The following UBE2Q1 variants were observed in gnomAD, a reference collection of about 807,000 sequenced individuals.
UBE2Q1 encodes the protein ubiquitin conjugating enzyme E2 Q1.
In UBE2Q1, 6 loss-of-function variants were observed where a neutral mutation model predicts 60.1. The observed-to-expected ratio is 0.10, with a 90% confidence interval of 0.05 to 0.20. The LOEUF is 0.20. Ranked by LOEUF, UBE2Q1 falls within the 10% of genes least tolerant of loss-of-function variation. The probability of loss-of-function intolerance (pLI) is 1.00; values close to 1 mark genes in which losing one functional copy is unlikely to be tolerated. For synonymous variants in UBE2Q1, 226 were observed against 208.3 expected, an observed-to-expected ratio of 1.09 and a Z score of -0.73; for missense variants, 262 against 525.8, an observed-to-expected ratio of 0.50 and a Z score of 4.91.
chr1:154,554,265 G>T (rs370486139), intron 4 of UBE2Q1, among the ~76,000 whole-genome samples: 6 of 152,124 alleles, frequency 3.9e-5, no homozygotes, highest in African/African-American at 1.4e-4. Context: ...TCCTAACCAT[G>T]ATTTTATATT....
intron 1 of UBE2Q1, 78 bp from the exon 2 acceptor site, chr1:154,556,042 C>T: frequency 5.4e-6 from 7 of 1,295,720 alleles, no homozygotes; most frequent in East Asian, 2.4e-5. Context: ...CCTCTTCCCC[C>T]CAAGACTTCT....
intron 12 of UBE2Q1, 124 bp downstream of exon 12, chr1:154,550,814 G>A: frequency 6.4e-7 from 1 of 1,570,394 alleles, no homozygotes; most frequent in Non-Finnish European, 8.6e-7. Flanking sequence ...AACTGGGGCA[G>A]GTGCTGTGTT....
In UBE2Q1 at chr1:154,558,590, G is replaced by A; in HGVS notation, c.-37C>T. 9.9e-7 allele frequency: 1 copy of A among 1,012,348 alleles called. No individual in the cohort carries two copies. The highest frequency in any genetic ancestry group is 1.2e-6 in the Non-Finnish European group (1 of 852,594). 62.7% of individuals were successfully genotyped at this position (1,012,348 alleles called of 1,614,324 possible). ...CTCCGCTCCGGGGCCGGCGGGCCGGGAGCCTCCGGCCTGCGCTCCGGGCTC... is the reference window on the plus strand; with the variant it reads ...CTCCGCTCCGGGGCCGGCGGGCCGGAAGCCTCCGGCCTGCGCTCCGGGCTC... On this transcript the variant is annotated 5_prime_UTR_variant, in exon 1 of 13. Transcript: ENST00000292211.
At chr1:154,556,000 G>A in intron 1 of UBE2Q1, 36 bp from the exon 2 acceptor site, 1 of 1,593,940 alleles carries the variant, frequency 6.3e-7, no homozygotes, top group Non-Finnish European at 8.6e-7. Flanking sequence ...AATCAAAATG[G>A]GTGACTCTGG....
chr1:154,550,275 C>A lies in UBE2Q1; in HGVS notation c.*163G>T. ...AACAGTTCTGTGTTTGTTTTTTTTC[C>A]TTAGCGTTTAGAATAGCCATCATTG... On this transcript the variant is annotated 3_prime_UTR_variant, in exon 13 of 13. Transcript: ENST00000292211. 1.0e-6 allele frequency: 1 copy of A among 959,156 alleles called. No individual in the cohort carries two copies. Among genetic ancestry groups the A allele is most frequent in the Non-Finnish European group, 1.6e-6 (1 of 634,380 alleles). 59.4% of individuals were successfully genotyped at this position (959,156 alleles called of 1,614,324 possible). A position where few individuals can be genotyped will look rare whatever the true frequency, so the allele number is the denominator to read the frequency against.
In UBE2Q1 at chr1:154,552,076, GA is replaced by G; in HGVS notation, c.966+16del. ...CAGCCTAGGCCAGAGGGAGAGACTG[GA>G]AAAGAAAAGTCTTACTTTAAAGGAA... is the stretch of plus-strand genomic sequence containing the variant. On this transcript the variant is annotated intron_variant, in intron 8 of 12. Transcript: ENST00000292211. The G allele has an allele frequency of 6.2e-7, 1 of 1,614,138 alleles. No individual in the cohort carries two copies. The highest frequency in any genetic ancestry group is 1.1e-5 in the South Asian group (1 of 91,074).
intron 1 of UBE2Q1, among the ~76,000 whole-genome samples, chr1:154,556,173 C>A (rs1000334487): frequency 6.6e-6 from 1 of 150,508 alleles, no homozygotes; most frequent in Non-Finnish European, 1.5e-5. Flanking sequence ...CCTGGGAAGA[C>A]CCTTTCCGAG....
chr1:154,553,117 T>C lies in UBE2Q1; in HGVS notation c.644A>G (p.Lys215Arg). 2.5e-6 allele frequency: 4 copies of C among 1,614,116 alleles called. No homozygotes were observed. Among genetic ancestry groups the C allele is most frequent in the Non-Finnish European group, 3.4e-6 (4 of 1,180,036 alleles). The change falls in exon 5 of 13, where the codon AAG becomes AGG. Residue 215 changes from lysine to arginine, a missense_variant. Around this residue, in one of 5 missense-constraint regions of UBE2Q1, gnomAD observed 111 missense variants for 266.8 expected, o/e 0.42. Transcript: ENST00000292211. ...EMKEEEPAEG[K>R]KSEDDGIGKE... ...TCCAATGCCATCATCTTCAGATTTC[T>C]TGCCCTCAGCTGGCTCTTCCTCTTT... is the stretch of plus-strand genomic sequence containing the variant.
At chr1:154,554,449 T>C (rs1266337682) in intron 4 of UBE2Q1, among the ~76,000 whole-genome samples, 1 of 152,182 alleles carries the variant, frequency 6.6e-6, no homozygotes, top group African/African-American at 2.4e-5. Flanking sequence ...ATAAAATTCC[T>C]CAATTAGGAT....
chr1:154,552,855 C>T (rs1225362603), intron 5 of UBE2Q1, 35 bp from the exon 6 acceptor site: 32 of 1,611,668 alleles, frequency 2.0e-5, no homozygotes, highest in Middle Eastern at 1.6e-4. Flanking sequence ...ATTCCTTGGT[C>T]GTGTGGTTTA....
In UBE2Q1 at chr1:154,554,766, G is replaced by A; in HGVS notation, c.557C>T (p.Ser186Phe). Reference protein sequence around the residue: ...PAEQCTQEDVSSEDEDEEMPE... With the variant: ...PAEQCTQEDVFSEDEDEEMPE... The stretch of plus-strand genomic sequence containing the variant: ...CATCTCCTCATCTTCATCTTCTGAA[G>A]ACACGTCTTCCTGTGTGCACTGCAG... The change falls in exon 4 of 13, where the codon TCT becomes TTT. Residue 186 changes from serine to phenylalanine, a missense_variant. Ser to Phe is a radical substitution (Grantham distance 155). This residue lies in a region of UBE2Q1 where 111 missense variants were observed against 266.8 expected (regional missense o/e 0.42). Coordinates refer to ENST00000292211, the MANE Select transcript of UBE2Q1 (RefSeq NM_017582.7). 6.2e-7 allele frequency: 1 copy of A among 1,613,622 alleles called. No individual in the cohort carries two copies. Among genetic ancestry groups the A allele is most frequent in the Non-Finnish European group, 8.5e-7 (1 of 1,179,642 alleles).
chr1:154,556,856 G>A (rs930213355), intron 1 of UBE2Q1, among the ~76,000 whole-genome samples: 2 of 152,188 alleles, frequency 1.3e-5, no homozygotes, highest in African/African-American at 2.4e-5. Context: ...GGAATTAGAA[G>A]CTTAATTCAG....
At chr1:154,553,413 G>A (rs1317036753) in intron 4 of UBE2Q1, among the ~76,000 whole-genome samples, 1 of 152,226 alleles carries the variant, frequency 6.6e-6, no homozygotes, top group Non-Finnish European at 1.5e-5. Flanking sequence ...AACGAGCAGA[G>A]CTGCAGCTGA....
rs1695759826 is a variant in UBE2Q1, at chr1:154,549,689, AAAG to A, written c.*746_*748del. On this transcript the variant is annotated 3_prime_UTR_variant, in exon 13 of 13. Coordinates refer to ENST00000292211, the MANE Select transcript of UBE2Q1 (RefSeq NM_017582.7). Reference sequence around the variant, plus strand: ...AAATTTGAAAACATCTGTGACTAGAAAAGTAGTCCTAAGAATTAACACCATCGT... The same window carrying A: ...AAATTTGAAAACATCTGTGACTAGAATAGTCCTAAGAATTAACACCATCGT... The A allele has an allele frequency of 6.6e-6, 1 of 152,656 alleles. No individual in the cohort carries two copies. The highest frequency in any genetic ancestry group is 1.5e-5 in the Non-Finnish European group (1 of 68,044). The allele number at this position is 152,656 out of a possible 1,614,324, so 9.5% of individuals were successfully genotyped here.
chr1:154,555,587 A>G, intron 2 of UBE2Q1, 55 bp from the exon 3 acceptor site: 2 of 1,525,922 alleles, frequency 1.3e-6, no homozygotes, highest in Admixed American at 1.7e-5. Context: ...GATCTGGATA[A>G]GTGCATGGAT....
Position 154,558,511 on chromosome 1 carries a change from C to T in UBE2Q1, c.43G>A (p.Gly15Arg). Residue 15 changes from glycine to arginine, a missense_variant, in exon 1 of 13, where the codon GGG becomes AGG. Around this residue, in one of 5 missense-constraint regions of UBE2Q1, gnomAD observed 70 missense variants for 56.7 expected, o/e 1.24. Coordinates refer to ENST00000292211, the MANE Select transcript of UBE2Q1 (RefSeq NM_017582.7). ...GCCCCCTGGCCCCCCAGCTGCTGCC[C>T]CGGCCCCGGCTGCTGCTGCCCCTGC... ...QPQGQQQPGP[G>R]QQLGGQGAAP... 8.6e-7 allele frequency: 1 copy of T among 1,158,986 alleles called. No homozygotes were observed. Among genetic ancestry groups the T allele is most frequent in the Non-Finnish European group, 1.1e-6 (1 of 948,234 alleles). 71.8% of individuals were successfully genotyped at this position (1,158,986 alleles called of 1,614,324 possible).
Position 154,551,832 on chromosome 1 carries a change from GGTTA to G in UBE2Q1, c.1026-17_1026-14del. 6.2e-7 allele frequency: 1 copy of G among 1,614,216 alleles called. No homozygotes were observed. The highest frequency in any genetic ancestry group is 8.5e-7 in the Non-Finnish European group (1 of 1,180,032). ...GCCCAGAACATACCTGCATGAGAAA[GGTTA>G]GTCAGCTGTGCCTGACAAAATCTCC... On this transcript the variant is annotated splice_polypyrimidine_tract_variant and intron_variant, in intron 9 of 12. Transcript: ENST00000292211.
intron 4 of UBE2Q1, among the ~76,000 whole-genome samples, chr1:154,553,414 C>G (rs1317537355): frequency 6.6e-6 from 1 of 152,218 alleles, no homozygotes; most frequent in Non-Finnish European, 1.5e-5. Context: ...ACGAGCAGAG[C>G]TGCAGCTGAG....
At chr1:154,555,196 C>T (rs7543174) in intron 3 of UBE2Q1, among the ~76,000 whole-genome samples, 115,349 of 152,152 alleles carry the variant, frequency 0.76, 44,599 homozygotes, top group East Asian at 0.88. Context: ...CTTTCAACAT[C>T]TGGGATGCTG....
Sources: gnomAD v4.1 joint callset for allele counts (sites outside exome capture counted in the v4.1 genomes callset) on GRCh38, gnomAD v4.1.1 for gene constraint, gnomAD v4.1.1 regional missense constraint, MANE v1.5 for transcripts, NCBI Gene and HGNC (gene_info 2026-07-23, HGNC 2026-07-21) for gene names.